TAF5: variants seen among roughly 807,000 people sequenced by gnomAD.
TAF5 encodes TATA-box binding protein associated factor 5.
TAF5 carries 20 observed loss-of-function variants against 80.9 expected under a neutral mutation model. The observed-to-expected ratio is 0.25, with a 90% CI of 0.17 to 0.36. TAF5 has a LOEUF of 0.36. Ranked by LOEUF, TAF5 falls within the 10% of genes least tolerant of loss-of-function variation. The pLI is 1.00. For synonymous variants in TAF5, 388 were observed against 406.4 expected (o/e 0.95, Z 0.55); for missense variants, 863 against 1,029.4 (o/e 0.84, Z 2.21).
At chr10:103,371,086 C>A (rs1253375663) in intron 1 of TAF5, among the ~76,000 whole-genome samples, 1 of 151,834 alleles carries the variant, frequency 6.6e-6, no homozygotes, top group Non-Finnish European at 1.5e-5. Flanking sequence ...ACTAAAAATA[C>A]AAAAAAATTA....
At chr10:103,368,764 G>A (rs2093351945) in intron 1 of TAF5, among the ~76,000 whole-genome samples, 1 of 152,212 alleles carries the variant, frequency 6.6e-6, no homozygotes, top group Non-Finnish European at 1.5e-5. Context: ...GAGCTGTTGA[G>A]CAGAGGGATG....
chr10:103,375,784 G>A lies in TAF5; in HGVS notation c.797+2189G>A, dbSNP rs1382186165. Among the ~76,000 whole-genome samples the A allele has an allele frequency of 7.2e-5, 11 of 152,190 alleles. No individual in the cohort carries two copies. In the South Asian group the frequency reaches 2.3e-3, roughly 32 times the overall value. The stretch of plus-strand genomic sequence containing the variant: ...TATTTAAGAAGGAGGCAGGCTGGGT[G>A]TGGTAGCTCATGCCTGTAATCCCAG... On this transcript the variant is annotated intron_variant, in intron 2 of 10. Transcript: ENST00000369839.
Position 103,368,537 on chromosome 10 carries a change from C to T in TAF5, c.548C>T (p.Ala183Val), listed in dbSNP as rs1485960974. 2.7e-5 allele frequency: 42 copies of T among 1,531,774 alleles called. No individual in the cohort carries two copies. The highest frequency in any genetic ancestry group is 3.5e-5 in the Non-Finnish European group (40 of 1,148,950). The allele number at this position is 1,531,774 out of a possible 1,614,324, so 94.9% of individuals were successfully genotyped here. Reference protein sequence around the residue: ...VVSGSASGPAAPGKVGSVAVE... With the variant: ...VVSGSASGPAVPGKVGSVAVE... ...TCAGGTTCAGCCTCAGGTCCTGCGGCTCCGGGTAAAGGTGAGCCGTGGGGT... is the reference window on the plus strand; with the variant it reads ...TCAGGTTCAGCCTCAGGTCCTGCGGTTCCGGGTAAAGGTGAGCCGTGGGGT... The change falls in exon 1 of 11, where the codon GCT becomes GTT. Residue 183 changes from alanine to valine, a missense_variant. Physicochemically the swap from Ala to Val is moderately conservative, Grantham distance 64. Coordinates refer to ENST00000369839, the MANE Select transcript of TAF5 (RefSeq NM_006951.5).
rs927191263 is a variant in TAF5 at position 103,372,029 on chromosome 10, T to G, written c.560-1329T>G. 2.0e-5 allele frequency among the ~76,000 whole-genome samples: 3 copies of G among 149,708 alleles called. No individual in the cohort carries two copies. In the Admixed American group the frequency reaches 2.0e-4, roughly 10 times the overall value. ...TTGGCTCACTACAACCTCTGCCTCCTGGGTTCAAGTGATTCTCATGCCTTT... is the reference window on the plus strand; with the variant it reads ...TTGGCTCACTACAACCTCTGCCTCCGGGGTTCAAGTGATTCTCATGCCTTT... On this transcript the variant is annotated intron_variant, in intron 1 of 10. Transcript: ENST00000369839.
chr10:103,368,633 C>T, intron 1 of TAF5, 85 bp downstream of exon 1: 3 of 1,384,362 alleles, frequency 2.2e-6, no homozygotes, highest in Non-Finnish European at 2.8e-6. Context: ...TGCACCTCTG[C>T]GGGCTTGTTT....
chr10:103,379,820 GTTA>G, intron 4 of TAF5, 49 bp downstream of exon 4: 1 of 1,602,008 alleles, frequency 6.2e-7, no homozygotes, highest in Non-Finnish European at 8.5e-7. Flanking sequence ...AAGACAACAT[GTTA>G]TATAGAGTTC....
In TAF5 at chr10:103,381,855, C is replaced by T. The variant is rs774830453; in HGVS notation, c.1534+14C>T. On this transcript the variant is annotated intron_variant, in intron 6 of 10. Coordinates refer to ENST00000369839, the MANE Select transcript of TAF5 (RefSeq NM_006951.5). The stretch of plus-strand genomic sequence containing the variant: ...AACAAGCATCAGGTAACTGAGATGA[C>T]CTTTTGGAATGTGAACTTGCCATTA... The T allele has an allele frequency of 3.7e-6, 6 of 1,613,988 alleles. No individual in the cohort carries two copies. The East Asian group carries it at 1.1e-4, about 30-fold the overall frequency.
chr10:103,381,848 G>A lies in TAF5; in HGVS notation c.1534+7G>A. 6.2e-7 allele frequency: 1 copy of A among 1,614,172 alleles called. No individual in the cohort carries two copies. Among genetic ancestry groups the A allele is most frequent in the Non-Finnish European group, 8.5e-7 (1 of 1,180,026 alleles). Reference sequence around the variant, plus strand: ...AGTGTCAAACAAGCATCAGGTAACTGAGATGACCTTTTGGAATGTGAACTT... The same window carrying A: ...AGTGTCAAACAAGCATCAGGTAACTAAGATGACCTTTTGGAATGTGAACTT... On this transcript the variant is annotated splice_region_variant and intron_variant, in intron 6 of 10. Transcript: ENST00000369839.
intron 1 of TAF5, among the ~76,000 whole-genome samples, chr10:103,371,014 G>T (rs1287737015): frequency 6.6e-6 from 1 of 152,298 alleles, no homozygotes; most frequent in African/African-American, 2.4e-5. Context: ...GCCAAGGCGG[G>T]TGGGTCACTT....
chr10:103,385,925 CAAAAAAA>C (rs761128565), intron 8 of TAF5, among the ~76,000 whole-genome samples: 90 of 41,210 alleles, frequency 2.2e-3, no homozygotes, highest in African/African-American at 0.01. Context: ...GACTTCATCT[CAAAAAAA>C]AAAAAAAAAA....
At position 103,387,335 on chromosome 10, in the gene TAF5, A is replaced by T. The variant is rs1279716886; in HGVS notation, c.1990A>T (p.Ile664Phe). 1.2e-6 allele frequency: 2 copies of T among 1,613,400 alleles called. No individual in the cohort carries two copies. The highest frequency in any genetic ancestry group is 2.2e-5 in the South Asian group (2 of 91,006). ...WDVLNGNCVRIFTGHKGPIHS... is the reference protein window; with the variant it reads ...WDVLNGNCVRFFTGHKGPIHS... ...CGTCCTGAATGGTAACTGTGTAAGGATCTTCACTGGACACAAGGTATTTTA... is the reference window on the plus strand; with the variant it reads ...CGTCCTGAATGGTAACTGTGTAAGGTTCTTCACTGGACACAAGGTATTTTA... Residue 664 changes from isoleucine (I) to phenylalanine (F), a missense_variant, in exon 9 of 11, where the codon ATC (isoleucine) becomes TTC (phenylalanine). Around this residue, in one of 3 missense-constraint regions of TAF5, gnomAD observed 368 missense variants for 461.7 expected, o/e 0.80. Transcript: ENST00000369839.
At chr10:103,370,628 C>T (rs1340453806) in intron 1 of TAF5, among the ~76,000 whole-genome samples, 1 of 151,916 alleles carries the variant, frequency 6.6e-6, no homozygotes. Flanking sequence ...TGCCCGGCCA[C>T]TTGAGGCACT....
intron 5 of TAF5, 64 bp from the exon 6 acceptor site, chr10:103,381,657 C>T: frequency 6.5e-7 from 1 of 1,544,430 alleles, no homozygotes; most frequent in South Asian, 1.1e-5. Flanking sequence ...AAATGATTAA[C>T]ATTTGCTTCC....
At chr10:103,382,472 G>C (rs1031359165) in intron 6 of TAF5, among the ~76,000 whole-genome samples, 1 of 151,844 alleles carries the variant, frequency 6.6e-6, no homozygotes, top group Non-Finnish European at 1.5e-5. Context: ...TGATCCGCCT[G>C]TCTGGCCTCC....
chr10:103,378,620 T>C lies in TAF5; in HGVS notation c.1113+70T>C, dbSNP rs2093374942. 1 of 1,467,022 alleles carries C rather than the reference T, an allele frequency of 6.8e-7. No homozygotes were observed. The highest frequency in any genetic ancestry group is 9.1e-7 in the Non-Finnish European group (1 of 1,097,778). The allele number at this position is 1,467,022 out of a possible 1,614,324, so 90.9% of individuals were successfully genotyped here. A position where few individuals can be genotyped will look rare whatever the true frequency, so the allele number is the denominator to read the frequency against. On this transcript the variant is annotated intron_variant, in intron 3 of 10. Transcript: ENST00000369839. The surrounding 1 kb of genome is among the most constrained non-coding windows in gnomAD (Gnocchi z 4.1). ...ATTGTAGCATTTCCATCTACATAAG[T>C]TACACATTTTTCTTATAGCTAGCTT...
intron 8 of TAF5, among the ~76,000 whole-genome samples, chr10:103,386,325 C>A (rs1269427750): frequency 6.6e-6 from 1 of 151,932 alleles, no homozygotes; most frequent in African/African-American, 2.4e-5. Flanking sequence ...TGCCTGTAGT[C>A]CCAGCTACTC....
chr10:103,375,337 A>T (rs904067143), intron 2 of TAF5, among the ~76,000 whole-genome samples: 13 of 152,114 alleles, frequency 8.5e-5, no homozygotes, highest in African/African-American at 3.1e-4. Context: ...GTCATGAGAC[A>T]CTTGATAGAT....
At chr10:103,368,743 G>A (rs1162299914) in intron 1 of TAF5, among the ~76,000 whole-genome samples, 195 bp downstream of exon 1, 3 of 152,204 alleles carry the variant, frequency 2.0e-5, no homozygotes, top group Non-Finnish European at 4.4e-5. Flanking sequence ...GTTCCAGTGA[G>A]AAGCTGAGGA....
chr10:103,384,249 T>C (rs1044905232), intron 7 of TAF5, among the ~76,000 whole-genome samples: 1 of 152,226 alleles, frequency 6.6e-6, no homozygotes, highest in East Asian at 1.9e-4. Context: ...GTATAGGTAT[T>C]TGCCTATTTT....
Sources: allele counts gnomAD v4.1 joint callset (sites outside exome capture counted in the v4.1 genomes callset), GRCh38; gene constraint gnomAD v4.1.1; regional missense constraint gnomAD v4.1.1; non-coding constraint Gnocchi (gnomAD v3.1); transcripts MANE v1.5; gene names NCBI Gene and HGNC (gene_info 2026-07-23, HGNC 2026-07-21).